MMADHC: variants seen among roughly 807,000 people sequenced by gnomAD.
MMADHC encodes the protein metabolism of cobalamin associated D.
MMADHC carries 23 observed loss-of-function variants against 36.3 expected under a neutral mutation model. The observed-to-expected ratio is 0.63, with a 90% confidence interval of 0.46 to 0.90. The LOEUF (loss-of-function observed/expected upper bound fraction) is 0.90. MMADHC is among the 40% of genes least tolerant of loss of function. MMADHC has a pLI of 0.00. For missense variants in MMADHC, 330 were observed against 348.0 expected, an observed-to-expected ratio of 0.95 and a Z score of 0.41; for synonymous variants, 97 against 116.1, an observed-to-expected ratio of 0.84 and a Z score of 1.06.
intron 6 of MMADHC, among the ~76,000 whole-genome samples, chr2:149,571,998 A>G (rs1026383005): frequency 6.6e-6 from 1 of 152,156 alleles, no homozygotes; most frequent in Non-Finnish European, 1.5e-5. Flanking sequence ...AGAGTTAAAC[A>G]AGGTACTTGC....
chr2:149,573,020 G>A (rs569916239), intron 6 of MMADHC, among the ~76,000 whole-genome samples: 149 of 152,226 alleles, frequency 9.8e-4, no homozygotes, highest in African/African-American at 3.5e-3. Context: ...TTTACATATT[G>A]TCTACAGATG....
Position 149,575,770 on chromosome 2 carries a change from T to A in MMADHC, c.550A>T (p.Asn184Tyr). The change falls in exon 6 of 8, where the codon AAT (asparagine) becomes TAT (tyrosine). Residue 184 changes from asparagine (N) to tyrosine (Y), a missense_variant. Coordinates refer to ENST00000303319, the MANE Select transcript of MMADHC (RefSeq NM_015702.3). ...MILTVTQKTK[N>Y]DMTVWSEEVE... ...TCTTCACTCCAAACAGTCATATCAT[T>A]CTTAGTTTTTTGTGTTACAGTCAGA... 6.2e-7 allele frequency: 1 copy of A among 1,610,312 alleles called. No individual in the cohort carries two copies.
intron 6 of MMADHC, among the ~76,000 whole-genome samples, chr2:149,572,960 C>T (rs1012292085): frequency 3.3e-5 from 5 of 152,136 alleles, no homozygotes; most frequent in Admixed American, 1.3e-4. Flanking sequence ...AAATCTGATC[C>T]GGTGCCTGTT....
Position 149,571,111 on chromosome 2 carries a change from A to T in MMADHC, c.670T>A (p.Phe224Ile). 2 of 1,612,744 alleles carry T rather than the reference A, an allele frequency of 1.2e-6. No homozygotes were observed. The highest frequency in any genetic ancestry group is 1.7e-6 in the Non-Finnish European group (2 of 1,179,000). The change falls in exon 7 of 8, where the codon TTT (phenylalanine) becomes ATT (isoleucine). Residue 224 changes from phenylalanine to isoleucine, a missense_variant. By Grantham distance (21) the Phe-to-Ile change is conservative (BLOSUM62 0). Transcript: ENST00000303319. ...GCCAAACCAGATGATGGGTCAATAAAGTCAGCCCAATAACCCTCAGCTCGA... is the reference window on the plus strand; with the variant it reads ...GCCAAACCAGATGATGGGTCAATAATGTCAGCCCAATAACCCTCAGCTCGA... ...ALRAEGYWADFIDPSSGLAFF... is the reference protein window; with the variant it reads ...ALRAEGYWADIIDPSSGLAFF...
chr2:149,570,369 A>G lies in MMADHC; in HGVS notation c.697-201T>C, dbSNP rs191274104. Among the ~76,000 whole-genome samples the G allele has an allele frequency of 1.7e-3, 258 of 152,328 alleles. 1 individual carries two copies. The highest frequency in any genetic ancestry group is 6.0e-3 in the African/African-American group (248 of 41,586). Reference sequence around the variant, plus strand: ...GCATTCTGGAAATCTGAAATGATCTAGCAAATTACATGTTACCTAGAATCA... The same window carrying G: ...GCATTCTGGAAATCTGAAATGATCTGGCAAATTACATGTTACCTAGAATCA... On this transcript the variant is annotated intron_variant, in intron 7 of 7. Coordinates refer to ENST00000303319, the MANE Select transcript of MMADHC (RefSeq NM_015702.3).
At position 149,570,070 on chromosome 2, in the gene MMADHC, A is replaced by T. The variant is rs1682615780; in HGVS notation, c.795T>A (p.Ile265=). ...CATGGGTACCCCAGAGACTATGACGAATCACTTTACAGCATCCAAGGTCAT... is the reference window on the plus strand; with the variant it reads ...CATGGGTACCCCAGAGACTATGACGTATCACTTTACAGCATCCAAGGTCAT... The part of the protein sequence containing the change: ...SVDDLGCCKV[I]RHSLWGTHVV... Residue 265 remains isoleucine (I), a synonymous_variant, in exon 8 of 8, where the codon ATT becomes ATA. Transcript: ENST00000303319. The T allele has an allele frequency of 6.2e-7, 1 of 1,613,650 alleles. No homozygotes were observed.
chr2:149,569,929 C>G lies in MMADHC; in HGVS notation c.*45G>C. On this transcript the variant is annotated 3_prime_UTR_variant, in exon 8 of 8. Coordinates refer to ENST00000303319, the MANE Select transcript of MMADHC (RefSeq NM_015702.3). ...GTCTGACAGTGTTTATAGATCAACC[C>G]AAATATTACATACAAATAGTACAGC... is the stretch of plus-strand genomic sequence containing the variant. 1 of 1,562,324 alleles carries G rather than the reference C, an allele frequency of 6.4e-7. No homozygotes were observed.
chr2:149,571,323 G>GT (rs1558845117), intron 6 of MMADHC, 152 bp from the exon 7 acceptor site: 2 of 526,920 alleles, frequency 3.8e-6, no homozygotes, highest in East Asian at 6.1e-5. Context: ...CTGTAAAGGC[G>GT]TAAGATTCTT....
At chr2:149,586,150 G>C (rs1423856540) in intron 2 of MMADHC, among the ~76,000 whole-genome samples, 1 of 152,122 alleles carries the variant, frequency 6.6e-6, no homozygotes, top group Non-Finnish European at 1.5e-5. Flanking sequence ...TAGCATCCTG[G>C]CTAAATGCTG....
chr2:149,573,492 C>T (rs576071320), intron 6 of MMADHC, among the ~76,000 whole-genome samples: 3 of 152,136 alleles, frequency 2.0e-5, no homozygotes, highest in African/African-American at 4.8e-5. Context: ...CAGAATGAGG[C>T]GTTGCTTAAT....
chr2:149,587,241 C>T (rs962220627), intron 1 of MMADHC, 92 bp from the exon 2 acceptor site: 3 of 805,418 alleles, frequency 3.7e-6, no homozygotes, highest in Middle Eastern at 2.2e-4. Flanking sequence ...GGTGTGTCGT[C>T]CACCACGTCA....
At chr2:149,572,335 CAAA>C in intron 6 of MMADHC, 2 of 116,720 alleles carry the variant, frequency 1.7e-5, no homozygotes, top group Non-Finnish European at 3.2e-5. Context: ...ACTCCGTCTC[CAAA>C]AAAAAAAAAT....
At position 149,575,736 on chromosome 2, in the gene MMADHC, A is replaced by C. The variant is rs1354993038; in HGVS notation, c.584T>G (p.Ile195Ser). The C allele has an allele frequency of 6.2e-7, 1 of 1,603,012 alleles. No homozygotes were observed. The change falls in exon 6 of 8, where the codon ATT (isoleucine) becomes AGT (serine). Residue 195 changes from isoleucine to serine, a missense_variant. Ile to Ser is a moderately radical substitution (Grantham distance 142, BLOSUM62 -2). Transcript: ENST00000303319. The part of the protein sequence containing the change: ...DMTVWSEEVE[I>S]EREVLLEKFI... ...CTTTTCTAAGAGCACTTCTCTTTCA[A>C]TTTCTACTTCTTCACTCCAAACAGT...
At chr2:149,580,699 C>T (rs1682781945) in intron 3 of MMADHC, among the ~76,000 whole-genome samples, 1 of 152,160 alleles carries the variant, frequency 6.6e-6, no homozygotes, top group South Asian at 2.1e-4. Context: ...GGATCATGAG[C>T]CACCATATCC....
intron 6 of MMADHC, among the ~76,000 whole-genome samples, chr2:149,575,258 C>T (rs530631367): frequency 1.8e-4 from 28 of 152,164 alleles, no homozygotes; most frequent in African/African-American, 5.8e-4. Context: ...TACATTATTA[C>T]ACTATTATTG....
chr2:149,582,472 AAGTT>A (rs1319010530), intron 2 of MMADHC, among the ~76,000 whole-genome samples: 1 of 152,192 alleles, frequency 6.6e-6, no homozygotes, highest in Non-Finnish European at 1.5e-5. Flanking sequence ...AACAAGTAAT[AAGTT>A]AGTTTGGGTA....
chr2:149,576,593 G>T (rs771413897), intron 4 of MMADHC, 51 bp from the exon 5 acceptor site: 2 of 1,241,928 alleles, frequency 1.6e-6, no homozygotes, highest in South Asian at 2.4e-5. Flanking sequence ...CAAATAAAAC[G>T]GTATCTTGCC....
At position 149,575,704 on chromosome 2, in the gene MMADHC, G is replaced by A; in HGVS notation, c.609+7C>T. The A allele has an allele frequency of 6.3e-7, 1 of 1,586,176 alleles. No homozygotes were observed. The highest frequency in any genetic ancestry group is 8.6e-7 in the Non-Finnish European group (1 of 1,164,262). Reference sequence around the variant, plus strand: ...AAAATTAAATTATTAGCAATTGAAAGAATTACCTTTTCTAAGAGCACTTCT... The same window carrying A: ...AAAATTAAATTATTAGCAATTGAAAAAATTACCTTTTCTAAGAGCACTTCT... On this transcript the variant is annotated splice_region_variant and intron_variant, in intron 6 of 7. Transcript: ENST00000303319.
Position 149,569,748 on chromosome 2 carries a change from T to C in MMADHC, c.*226A>G, listed in dbSNP as rs1682610720. 3 of 421,970 alleles carry C rather than the reference T, an allele frequency of 7.1e-6. No homozygotes were observed. The South Asian group carries it at 1.1e-4, about 16-fold the overall frequency. 26.1% of individuals were successfully genotyped at this position (421,970 alleles called of 1,614,324 possible). ...GATCATACCCTGGTTACAAGCTAAT[T>C]ACCACATCCTATACAATGTGGATGT... On this transcript the variant is annotated 3_prime_UTR_variant, in exon 8 of 8. Coordinates refer to ENST00000303319, the MANE Select transcript of MMADHC (RefSeq NM_015702.3).
Sources: gnomAD v4.1 joint callset for allele counts (sites outside exome capture counted in the v4.1 genomes callset) on GRCh38, gnomAD v4.1.1 for gene constraint, MANE v1.5 for transcripts, NCBI Gene and HGNC (gene_info 2026-07-23, HGNC 2026-07-21) for gene names.